The following NR2F1-AS1 variants were observed in gnomAD, a reference collection of about 807,000 sequenced individuals.
The protein encoded by NR2F1-AS1 is NR2F1 antisense RNA 1.
At chr5:93,566,907 T>A (rs1448953050) in intron 1 of NR2F1-AS1, among the ~76,000 whole-genome samples, 1 of 152,000 alleles carries the variant, frequency 6.6e-6, no homozygotes, top group Non-Finnish European at 1.5e-5. Context: ...ATAAATGACT[T>A]TAATAATTTT....
At chr5:93,570,900 T>A (rs1232212545) in intron 1 of NR2F1-AS1, 3 of 152,044 alleles carry the variant, frequency 2.0e-5, no homozygotes, top group African/African-American at 7.2e-5. Context: ...AGTTCGCTAG[T>A]CCAGGGAAAG....
chr5:93,488,915 G>A (rs980283680), intron 4 of NR2F1-AS1, among the ~76,000 whole-genome samples: 1 of 152,144 alleles, frequency 6.6e-6, no homozygotes, highest in Non-Finnish European at 1.5e-5. Flanking sequence ...ATACTATGCA[G>A]CCATAAAAAA....
At chr5:93,567,384 T>C (rs1163837303) in intron 1 of NR2F1-AS1, among the ~76,000 whole-genome samples, 1 of 152,162 alleles carries the variant, frequency 6.6e-6, no homozygotes, top group Non-Finnish European at 1.5e-5. Context: ...GCAAATGAAG[T>C]AGCCTATTGA....
At chr5:93,527,248 G>A (rs1351594476) in intron 4 of NR2F1-AS1, among the ~76,000 whole-genome samples, 1 of 152,124 alleles carries the variant, frequency 6.6e-6, no homozygotes, top group Non-Finnish European at 1.5e-5. Context: ...ATTCACAATT[G>A]CTACTAAGAG....
intron 2 of NR2F1-AS1, among the ~76,000 whole-genome samples, chr5:93,560,996 G>A (rs550045157): frequency 2.7e-4 from 41 of 152,272 alleles, no homozygotes; most frequent in Middle Eastern, 3.4e-3. Flanking sequence ...TCTGATGGCC[G>A]GGCATGGTGG....
intron 1 of NR2F1-AS1, among the ~76,000 whole-genome samples, chr5:93,574,037 A>C (rs1019116188): frequency 2.0e-5 from 3 of 152,244 alleles, no homozygotes; most frequent in Non-Finnish European, 4.4e-5. Context: ...GCTAATTGGA[A>C]AAGTCATTTC....
intron 4 of NR2F1-AS1, among the ~76,000 whole-genome samples, chr5:93,414,596 G>A (rs1211934750): frequency 6.6e-6 from 1 of 152,038 alleles, no homozygotes; most frequent in Non-Finnish European, 1.5e-5. Context: ...CTAGAGGCTG[G>A]CAAGGGCTCC....
chr5:93,509,126 G>A (rs1751244539), intron 4 of NR2F1-AS1, among the ~76,000 whole-genome samples: 1 of 152,090 alleles, frequency 6.6e-6, no homozygotes. Context: ...ATAAAATGCA[G>A]TACATTCATA....
chr5:93,547,962 A>T (rs1174601336), intron 4 of NR2F1-AS1, among the ~76,000 whole-genome samples: 1 of 152,182 alleles, frequency 6.6e-6, no homozygotes, highest in South Asian at 2.1e-4. Context: ...TGTCAATCGG[A>T]AAAAGGGAGA....
chr5:93,551,890 A>G (rs1260971554), intron 4 of NR2F1-AS1, among the ~76,000 whole-genome samples: 1 of 152,210 alleles, frequency 6.6e-6, no homozygotes, highest in Non-Finnish European at 1.5e-5. Flanking sequence ...AGAAACTAGT[A>G]TAATTATGGT....
At chr5:93,532,700 C>T (rs1398335852) in intron 4 of NR2F1-AS1, among the ~76,000 whole-genome samples, 1 of 152,240 alleles carries the variant, frequency 6.6e-6, no homozygotes, top group Non-Finnish European at 1.5e-5. Context: ...ATCCAGGTCA[C>T]CTGACCTTGG....
intron 4 of NR2F1-AS1, among the ~76,000 whole-genome samples, chr5:93,512,197 G>A (rs552806207): frequency 2.4e-4 from 37 of 152,234 alleles, no homozygotes; most frequent in African/African-American, 6.7e-4. Flanking sequence ...GGAAGACAAC[G>A]ATATTGATGA....
At chr5:93,559,707 G>A (rs572065537) in intron 2 of NR2F1-AS1, among the ~76,000 whole-genome samples, 1 of 152,310 alleles carries the variant, frequency 6.6e-6, no homozygotes, top group African/African-American at 2.4e-5. Context: ...GAATAGGGTG[G>A]CCCAAGGAGA....
intron 1 of NR2F1-AS1, among the ~76,000 whole-genome samples, chr5:93,566,150 G>C (rs1752612979): frequency 6.6e-6 from 1 of 151,708 alleles, no homozygotes; most frequent in Admixed American, 6.6e-5. Flanking sequence ...CAAAATATCT[G>C]AAATTTTCCA....
chr5:93,554,858 G>A (rs966126601), intron 3 of NR2F1-AS1: 1 of 152,180 alleles, frequency 6.6e-6, no homozygotes, highest in Non-Finnish European at 1.5e-5. Flanking sequence ...ATGTGGAAAA[G>A]TACAACATCA....
chr5:93,467,337 T>C (rs922829482), intron 4 of NR2F1-AS1, among the ~76,000 whole-genome samples: 1 of 152,166 alleles, frequency 6.6e-6, no homozygotes, highest in Non-Finnish European at 1.5e-5. Context: ...GCCAAGTTCA[T>C]CCCAGAGAAG....
intron 4 of NR2F1-AS1, among the ~76,000 whole-genome samples, chr5:93,435,180 T>G (rs953096700): frequency 2.6e-5 from 4 of 152,244 alleles, no homozygotes; most frequent in Non-Finnish European, 5.9e-5. Context: ...TTTTCTAATA[T>G]TATCATTCCT....
At chr5:93,582,084 C>G (rs1319652255), upstream of NR2F1-AS1, among the ~76,000 whole-genome samples, 3 of 144,828 alleles carry the variant, frequency 2.1e-5, no homozygotes, top group East Asian at 6.1e-4. Flanking sequence ...CTGTCTCTCT[C>G]TCTCCTCCTC....
chr5:93,505,071 G>C lies in NR2F1-AS1; in HGVS notation n.638+48690C>G, dbSNP rs562834456. Among the ~76,000 whole-genome samples, 21 of 152,200 alleles carry C rather than the reference G, an allele frequency of 1.4e-4. No individual in the cohort carries two copies. In the East Asian group the frequency reaches 1.5e-3, roughly 11 times the overall value. On this transcript the variant is annotated intron_variant and non_coding_transcript_variant, in intron 4 of 5. Transcript: ENST00000660523. ...ATCTAGTTACTTCCTAAATACAATG[G>C]GGGTACAGGTATTGGGTAAATACAG...
Sources: allele counts gnomAD v4.1 joint callset (sites outside exome capture counted in the v4.1 genomes callset), GRCh38; gene constraint gnomAD v4.1.1; transcripts MANE v1.5; gene names NCBI Gene and HGNC (gene_info 2026-07-23, HGNC 2026-07-21).